Variants in NAV1 observed in about 807,000 individuals in gnomAD.
The protein encoded by NAV1 is neuron navigator 1.
In NAV1, 18 loss-of-function variants were observed where a neutral mutation model predicts 175.2. The observed-to-expected ratio is 0.10, with a 90% CI of 0.07 to 0.15. NAV1 has a LOEUF of 0.15. Ranked by LOEUF, NAV1 falls within the 10% of genes least tolerant of loss-of-function variation. The pLI is 1.00. For missense variants in NAV1, 1,731 were observed against 2,436.6 expected, an observed-to-expected ratio of 0.71 and a Z score of 6.10; for synonymous variants, 897 against 978.7, an observed-to-expected ratio of 0.92 and a Z score of 1.56.
intron 1 of NAV1, among the ~76,000 whole-genome samples, chr1:201,654,869 CATT>C (rs1669339142): frequency 6.6e-6 from 1 of 152,128 alleles, no homozygotes; most frequent in Non-Finnish European, 1.5e-5. Flanking sequence ...GGAAAGCACT[CATT>C]ATTAGATAGA....
intron 15 of NAV1, among the ~76,000 whole-genome samples, chr1:201,801,172 T>C (rs1677843131): frequency 6.6e-6 from 1 of 152,238 alleles, no homozygotes; most frequent in South Asian, 2.1e-4. Context: ...AAGTACTCTG[T>C]AGTATCATTA....
chr1:201,810,647 G>A lies in NAV1; in HGVS notation c.4686G>A (p.Thr1562=), dbSNP rs146659496. ...TCGTCCTCTCGGGCCCCAGCGGCAC[G>A]GGCAAGACCTACCTGACCAATCGCT... The change falls in exon 24 of 30, where the codon ACG becomes ACA. Residue 1562 remains threonine, a synonymous_variant. Transcript: ENST00000367296. This position sits in a 1 kb window ranked among gnomAD's most constrained non-coding sequence, Gnocchi z 6.0. The A allele has an allele frequency of 2.3e-4, 365 of 1,614,042 alleles. 4 individuals carry two copies. The African/African-American group carries it at 3.8e-3, about 17-fold the overall frequency.
chr1:201,626,672 C>A (rs1297498766), intron 1 of NAV1, among the ~76,000 whole-genome samples: 1 of 152,236 alleles, frequency 6.6e-6, no homozygotes, highest in African/African-American at 2.4e-5. Flanking sequence ...TTCCCAACTG[C>A]CAGTGCACCC....
At chr1:201,653,137 A>G (rs986772404) in intron 1 of NAV1, among the ~76,000 whole-genome samples, 38 of 152,244 alleles carry the variant, frequency 2.5e-4, no homozygotes, top group Admixed American at 1.8e-3. Flanking sequence ...CAGAAGCCGA[A>G]CAATCACAAG....
At chr1:201,783,438 C>T (rs767782492) in exon 7 of NAV1, 1 of 1,614,120 alleles carries the variant, frequency 6.2e-7, no homozygotes, top group African/African-American at 1.3e-5. Context: ...AAACCACCCT[C>T]ACTAGCCAAT....
intron 3 of NAV1, among the ~76,000 whole-genome samples, chr1:201,726,964 C>T (rs1262205809): frequency 6.6e-6 from 1 of 152,216 alleles, no homozygotes; most frequent in African/African-American, 2.4e-5. Context: ...CACAGCTAGG[C>T]TGCCTGTGTT....
intron 1 of NAV1, among the ~76,000 whole-genome samples, chr1:201,658,366 A>G (rs2142500): frequency 0.75 from 113,986 of 151,954 alleles, 43,087 homozygotes; most frequent in Admixed American, 0.82. Flanking sequence ...AATTGGCATC[A>G]GTGCATAGGG....
intron 1 of NAV1, among the ~76,000 whole-genome samples, chr1:201,702,984 G>A (rs1671502922): frequency 6.6e-6 from 1 of 152,178 alleles, no homozygotes; most frequent in African/African-American, 2.4e-5. Context: ...CTGTAGAAGA[G>A]TTAGCCAATA....
At chr1:201,772,858 C>T (rs1019486793) in intron 3 of NAV1, among the ~76,000 whole-genome samples, 4 of 151,880 alleles carry the variant, frequency 2.6e-5, no homozygotes, top group African/African-American at 9.7e-5. Context: ...ACGGTGAAAC[C>T]CCGTCTCTAC....
chr1:201,555,042 G>A (rs1037445342), intron 1 of NAV1, among the ~76,000 whole-genome samples: 1 of 152,076 alleles, frequency 6.6e-6, no homozygotes, highest in African/African-American at 2.4e-5. Context: ...TTCCCTCTGT[G>A]TATGTCTATG....
At chr1:201,751,419 T>G (rs1674100227) in intron 3 of NAV1, among the ~76,000 whole-genome samples, 1 of 152,204 alleles carries the variant, frequency 6.6e-6, no homozygotes, top group African/African-American at 2.4e-5. Context: ...CAGCCTTAGT[T>G]TCCCCCCTTT....
At chr1:201,631,611 C>T (rs1205652530) in intron 2 of NAV1, among the ~76,000 whole-genome samples, 1 of 152,244 alleles carries the variant, frequency 6.6e-6, no homozygotes, top group Non-Finnish European at 1.5e-5. Context: ...GCCCAGTGAC[C>T]TGCCCCTATA....
chr1:201,585,471 C>T (rs1412228311), intron 1 of NAV1, among the ~76,000 whole-genome samples: 3 of 151,770 alleles, frequency 2.0e-5, no homozygotes, highest in Non-Finnish European at 2.9e-5. Flanking sequence ...AATCGGACTT[C>T]AACAAAATTA....
chr1:201,647,240 C>T (rs75779426), upstream of NAV1, among the ~76,000 whole-genome samples: 295 of 152,312 alleles, frequency 1.9e-3, 2 homozygotes, highest in African/African-American at 7.0e-3. Flanking sequence ...CCTAGGCAAA[C>T]TGCAGACTAC....
At position 201,807,605 on chromosome 1, in the gene NAV1, G is replaced by C. The variant is rs1476421379; in HGVS notation, c.3649-348G>C. Among the ~76,000 whole-genome samples the C allele has an allele frequency of 6.6e-6, 1 of 152,178 alleles. No homozygotes were observed. Among genetic ancestry groups the C allele is most frequent in the Non-Finnish European group, 1.5e-5 (1 of 68,024 alleles). ...CCCCTATGAGCAAGAGAACACCCAG[G>C]AAGTTCCCATAGCCTACAACATCAG... On this transcript the variant is annotated intron_variant, in intron 17 of 29. Coordinates refer to ENST00000367296, the Ensembl canonical transcript of NAV1. This position sits in a 1 kb window ranked among gnomAD's most constrained non-coding sequence, Gnocchi z 5.4.
intron 3 of NAV1, among the ~76,000 whole-genome samples, chr1:201,732,720 T>C (rs1226925050): frequency 6.6e-6 from 1 of 152,196 alleles, no homozygotes; most frequent in Non-Finnish European, 1.5e-5. Flanking sequence ...ACTTAATATA[T>C]ACCAGACACT....
chr1:201,566,474 G>A (rs1666358899), intron 1 of NAV1, among the ~76,000 whole-genome samples: 2 of 152,100 alleles, frequency 1.3e-5, no homozygotes, highest in Non-Finnish European at 2.9e-5. Context: ...CCCAGGCAGG[G>A]GCTTTGTCTC....
At chr1:201,785,269 T>TCG in intron 7 of NAV1, 41 bp from the exon 12 acceptor site, 9 of 1,480,812 alleles carry the variant, frequency 6.1e-6, no homozygotes, top group Non-Finnish European at 8.0e-6. Context: ...CCCACATGCT[T>TCG]CTCTCTCTCT....
intron 1 of NAV1, among the ~76,000 whole-genome samples, chr1:201,587,262 A>AT (rs900763079): frequency 6.6e-6 from 1 of 151,728 alleles, no homozygotes; most frequent in Non-Finnish European, 1.5e-5. Context: ...AGTTTACCAC[A>AT]TTAAAAAAAA....
Sources: gnomAD v4.1 joint callset for allele counts (sites outside exome capture counted in the v4.1 genomes callset) on GRCh38, gnomAD v4.1.1 for gene constraint, Gnocchi (gnomAD v3.1) non-coding constraint, MANE v1.5 for transcripts, NCBI Gene and HGNC (gene_info 2026-07-23, HGNC 2026-07-21) for gene names.